Variants in RIT2 observed in about 807,000 individuals in gnomAD.
The protein encoded by RIT2 is Ras like without CAAX 2.
RIT2 carries 24 observed loss-of-function variants against 23.7 expected under a neutral mutation model. That is an observed-to-expected ratio of 1.01 (90% CI 0.73 to 1.43). The LOEUF (loss-of-function observed/expected upper bound fraction) is 1.43. RIT2 is among the 40% of genes most tolerant of loss of function. The probability of loss-of-function intolerance (pLI) is 0.00; values close to 1 mark genes in which losing one functional copy is unlikely to be tolerated. For synonymous variants in RIT2, 107 were observed against 91.1 expected, an observed-to-expected ratio of 1.17 and a Z score of -0.99; for missense variants, 236 against 266.9, an observed-to-expected ratio of 0.88 and a Z score of 0.81.
chr18:43,019,954 A>C (rs928794022), intron 2 of RIT2, among the ~76,000 whole-genome samples: 1 of 152,070 alleles, frequency 6.6e-6, no homozygotes, highest in African/African-American at 2.4e-5. Context: ...CAAAAAAAAA[A>C]ACTCCTAGGA....
At chr18:42,957,882 A>T (rs1205149431) in intron 3 of RIT2, among the ~76,000 whole-genome samples, 1 of 152,220 alleles carries the variant, frequency 6.6e-6, no homozygotes, top group East Asian at 1.9e-4. Flanking sequence ...GGAAGAAAAC[A>T]CAACTGACTC....
chr18:42,771,120 TA>T (rs963781664), intron 4 of RIT2, among the ~76,000 whole-genome samples: 8 of 152,258 alleles, frequency 5.3e-5, no homozygotes, highest in African/African-American at 1.9e-4. Flanking sequence ...TCAAACTACG[TA>T]ATTTTTTTTT....
intron 4 of RIT2, among the ~76,000 whole-genome samples, chr18:42,744,141 T>G (rs1385566355): frequency 1.3e-5 from 2 of 152,072 alleles, no homozygotes; most frequent in African/African-American, 4.8e-5. Context: ...CCCCTTTGAC[T>G]GTAATTTTCC....
intron 4 of RIT2, among the ~76,000 whole-genome samples, chr18:42,831,371 A>C (rs778443994): frequency 6.6e-5 from 10 of 152,142 alleles, no homozygotes; most frequent in Admixed American, 1.3e-4. Flanking sequence ...ATTCTCCATA[A>C]AATTAATTTG....
chr18:42,775,017 T>C (rs1261662000), intron 4 of RIT2, among the ~76,000 whole-genome samples: 2 of 152,216 alleles, frequency 1.3e-5, no homozygotes, highest in Admixed American at 6.5e-5. Flanking sequence ...TAGAAAATGA[T>C]ATTTTGTTGA....
intron 4 of RIT2, among the ~76,000 whole-genome samples, chr18:42,893,190 C>A (rs1397882939): frequency 7.0e-6 from 1 of 143,384 alleles, no homozygotes; most frequent in Non-Finnish European, 1.5e-5. Context: ...ATCGCCACTG[C>A]ACTCCAGCCT....
intron 1 of RIT2, among the ~76,000 whole-genome samples, chr18:43,062,646 A>G (rs1022318725): frequency 2.6e-5 from 4 of 152,330 alleles, no homozygotes; most frequent in Middle Eastern, 3.4e-3. Flanking sequence ...CAAGATCAGT[A>G]GTTTAAATAG....
At chr18:42,794,903 G>C (rs1209831470) in intron 4 of RIT2, among the ~76,000 whole-genome samples, 3 of 152,236 alleles carry the variant, frequency 2.0e-5, no homozygotes, top group Non-Finnish European at 2.9e-5. Flanking sequence ...TGACACTGGT[G>C]AGAGGCACAT....
intron 2 of RIT2, among the ~76,000 whole-genome samples, chr18:43,017,813 C>T (rs772729313): frequency 5.9e-5 from 9 of 152,022 alleles, no homozygotes; most frequent in Non-Finnish European, 8.8e-5. Context: ...ACACAGATGA[C>T]AGTCACATGC....
intron 3 of RIT2, among the ~76,000 whole-genome samples, chr18:42,960,366 G>A (rs922190283): frequency 5.3e-5 from 8 of 152,192 alleles, no homozygotes; most frequent in Admixed American, 4.6e-4. Flanking sequence ...TTGGAGTGAA[G>A]TGCAGTGGCA....
At chr18:43,006,860 T>C (rs1911240168) in intron 2 of RIT2, among the ~76,000 whole-genome samples, 1 of 151,410 alleles carries the variant, frequency 6.6e-6, no homozygotes, top group South Asian at 2.1e-4. Flanking sequence ...AAAGTTACAT[T>C]GTATACTTGA....
intron 2 of RIT2, among the ~76,000 whole-genome samples, chr18:42,989,385 G>A (rs1910787605): frequency 6.6e-6 from 1 of 151,958 alleles, no homozygotes. Flanking sequence ...ACAGCACTAT[G>A]CAACAGAAAT....
At chr18:43,057,360 G>A (rs1175388945) in intron 1 of RIT2, among the ~76,000 whole-genome samples, 2 of 152,088 alleles carry the variant, frequency 1.3e-5, no homozygotes, top group Non-Finnish European at 2.9e-5. Flanking sequence ...ATGAGTTATT[G>A]CAAATAAGAC....
At chr18:43,035,693 G>A (rs1911957828) in intron 1 of RIT2, among the ~76,000 whole-genome samples, 1 of 152,120 alleles carries the variant, frequency 6.6e-6, no homozygotes, top group Non-Finnish European at 1.5e-5. Flanking sequence ...CCTGCCTTCA[G>A]CAAGAATCTC....
At chr18:42,894,114 T>C (rs1484039351) in intron 4 of RIT2, among the ~76,000 whole-genome samples, 1 of 152,204 alleles carries the variant, frequency 6.6e-6, no homozygotes, top group Non-Finnish European at 1.5e-5. Context: ...CCCTTGCAGC[T>C]GTACATCACT....
At chr18:42,811,973 C>T (rs777196168) in intron 4 of RIT2, among the ~76,000 whole-genome samples, 5 of 152,060 alleles carry the variant, frequency 3.3e-5, no homozygotes, top group Non-Finnish European at 7.4e-5. Flanking sequence ...ATATGAAAGT[C>T]ATGGGGCTAC....
chr18:42,928,122 C>T (rs528298891), intron 3 of RIT2, among the ~76,000 whole-genome samples: 2 of 152,120 alleles, frequency 1.3e-5, no homozygotes, highest in African/African-American at 4.8e-5. Flanking sequence ...CTTTAATAAA[C>T]CGCATGTCCA....
chr18:42,864,388 C>A (rs751962217), intron 4 of RIT2, among the ~76,000 whole-genome samples: 9 of 152,094 alleles, frequency 5.9e-5, no homozygotes, highest in Non-Finnish European at 1.3e-4. Flanking sequence ...ATTAGTCAAG[C>A]CTTTCTGTTG....
intron 4 of RIT2, among the ~76,000 whole-genome samples, chr18:42,859,880 A>T (rs1598687237): frequency 6.6e-6 from 1 of 151,704 alleles, no homozygotes; most frequent in Non-Finnish European, 1.5e-5. Flanking sequence ...AGAGATTCTC[A>T]TGCCTCAGCC....
Sources: gnomAD v4.1 joint callset for allele counts (sites outside exome capture counted in the v4.1 genomes callset) on GRCh38, gnomAD v4.1.1 for gene constraint, MANE v1.5 for transcripts, NCBI Gene and HGNC (gene_info 2026-07-23, HGNC 2026-07-21) for gene names.